WNT7A: variants seen among roughly 807,000 people sequenced by gnomAD.
The protein encoded by WNT7A is protein Wnt-7a.
Under a neutral mutation model 28.2 loss-of-function variants are expected in WNT7A, and 16 were observed. The ratio of observed to expected loss-of-function variants is 0.57; its 90% confidence interval spans 0.38 to 0.86. WNT7A has a LOEUF of 0.86. Ranked by LOEUF, WNT7A falls within the 40% of genes least tolerant of loss-of-function variation. WNT7A has a pLI of 0.00. For synonymous variants in WNT7A, 190 were observed against 195.9 expected (o/e 0.97, Z 0.25); for missense variants, 411 against 489.7 (o/e 0.84, Z 1.52).
At chr3:13,859,647 G>C (rs991793002) in intron 2 of WNT7A, among the ~76,000 whole-genome samples, 1 of 152,118 alleles carries the variant, frequency 6.6e-6, no homozygotes, top group Non-Finnish European at 1.5e-5. Flanking sequence ...TAATTGCTTT[G>C]AAGATAAGCA....
intron 3 of WNT7A, among the ~76,000 whole-genome samples, chr3:13,836,758 A>T (rs540448513): frequency 6.6e-6 from 1 of 152,334 alleles, no homozygotes; most frequent in East Asian, 1.9e-4. Flanking sequence ...CAGTTGGAGG[A>T]AGTGACCTGT....
chr3:13,857,623 G>A (rs773989647), intron 2 of WNT7A, among the ~76,000 whole-genome samples: 14 of 152,062 alleles, frequency 9.2e-5, no homozygotes, highest in Admixed American at 2.0e-4. Context: ...ACTCACCCCC[G>A]GTCCAGTGAT....
Position 13,818,351 on chromosome 3 carries a change from C to CAAAGAAAAAAA in WNT7A, c.*592_*593insTTTTTTTCTTT, listed in dbSNP as rs1694047137. 1 of 79,952 alleles carries CAAAGAAAAAAA rather than the reference C, an allele frequency of 1.3e-5. No homozygotes were observed. Among genetic ancestry groups the CAAAGAAAAAAA allele is most frequent in the African/African-American group, 4.9e-5 (1 of 20,618 alleles). The allele number at this position is 79,952 out of a possible 1,614,324, so 5.0% of individuals were successfully genotyped here. A position where few individuals can be genotyped will look rare whatever the true frequency, so the allele number is the denominator to read the frequency against. Reference sequence around the variant, plus strand: ...TTTCTGGATAAGTAGCAGCAAACAGCAAAAAAAAAAAAAAAAATGTGTGTG... The same window carrying CAAAGAAAAAAA: ...TTTCTGGATAAGTAGCAGCAAACAGCAAAGAAAAAAAAAAAAAAAAAAAAAAAATGTGTGTG... On this transcript the variant is annotated 3_prime_UTR_variant, in exon 4 of 4. Transcript: ENST00000285018.
chr3:13,875,335 C>T (rs996096412), intron 1 of WNT7A, among the ~76,000 whole-genome samples, 162 bp from the exon 2 acceptor site: 1 of 152,182 alleles, frequency 6.6e-6, no homozygotes, highest in African/African-American at 2.4e-5. Context: ...CGAATAGAAA[C>T]CCTATAATTT....
chr3:13,865,219 C>T (rs1323627741), intron 2 of WNT7A, among the ~76,000 whole-genome samples: 1 of 152,164 alleles, frequency 6.6e-6, no homozygotes, highest in East Asian at 1.9e-4. Flanking sequence ...CATTTCAGCA[C>T]CTTTAATATG....
chr3:13,862,483 GC>G lies in WNT7A; in HGVS notation c.299-7681del, dbSNP rs1194881852. 2.6e-5 allele frequency among the ~76,000 whole-genome samples: 4 copies of G among 152,334 alleles called. No homozygotes were observed. In the East Asian group the frequency reaches 7.7e-4, roughly 29 times the overall value. ...CAATGGGTCAGAGAGCAAGCAATCTGCAGTGACACAAGCTGAAATATATGAT... is the reference window on the plus strand; with the variant it reads ...CAATGGGTCAGAGAGCAAGCAATCTGAGTGACACAAGCTGAAATATATGAT... On this transcript the variant is annotated intron_variant, in intron 2 of 3. Coordinates refer to ENST00000285018, the MANE Select transcript of WNT7A (RefSeq NM_004625.4).
intron 3 of WNT7A, among the ~76,000 whole-genome samples, chr3:13,846,153 C>CA (rs1694533935): frequency 6.6e-6 from 1 of 152,242 alleles, no homozygotes; most frequent in South Asian, 2.1e-4. Flanking sequence ...CCACAGTGAC[C>CA]AGAGTAGGAG....
At chr3:13,847,338 G>A (rs749577264) in intron 3 of WNT7A, among the ~76,000 whole-genome samples, 11 of 152,166 alleles carry the variant, frequency 7.2e-5, no homozygotes, top group African/African-American at 1.2e-4. Context: ...TCAGCTCCCC[G>A]ACCCTGGCCA....
Position 13,819,382 on chromosome 3 carries a change from G to A in WNT7A, c.612C>T (p.Gly204=), listed in dbSNP as rs553027561. The A allele has an allele frequency of 2.9e-5, 46 of 1,613,552 alleles. No individual in the cohort carries two copies. Among genetic ancestry groups the A allele is most frequent in the Non-Finnish European group, 3.6e-5 (42 of 1,179,810 alleles). The part of the protein sequence containing the change: ...ENMKLECKCH[G]VSGSCTTKTC... ...TCTTGGTGGTGCACGAGCCTGACAC[G>A]CCGTGGCACTTACATTCCAGCTTCA... Residue 204 remains glycine (G), a synonymous_variant, in exon 4 of 4, where the codon GGC becomes GGT. Transcript: ENST00000285018.
chr3:13,825,693 G>A (rs149587493), intron 3 of WNT7A, among the ~76,000 whole-genome samples: 50 of 152,278 alleles, frequency 3.3e-4, no homozygotes, highest in African/African-American at 1.1e-3. Context: ...GTGGGGCCCT[G>A]CATCTGGGGA....
At chr3:13,854,434 T>C (rs1317770422) in intron 3 of WNT7A, 98 bp downstream of exon 3, 2 of 1,590,926 alleles carry the variant, frequency 1.3e-6, no homozygotes, top group African/African-American at 1.3e-5. Flanking sequence ...GGCAGAGCCC[T>C]GTGGCTCCTC....
At chr3:13,832,056 C>T (rs1023901337) in intron 3 of WNT7A, among the ~76,000 whole-genome samples, 2 of 152,006 alleles carry the variant, frequency 1.3e-5, no homozygotes, top group Admixed American at 1.3e-4. Context: ...TCCAGAGCTG[C>T]CACCACCTGC....
Position 13,850,726 on chromosome 3 carries a change from G to C in WNT7A, c.570+3806C>G, listed in dbSNP as rs548253011. Among the ~76,000 whole-genome samples the C allele has an allele frequency of 5.3e-5, 8 of 152,136 alleles. No homozygotes were observed. In the South Asian group the frequency reaches 1.0e-3, roughly 20 times the overall value. On this transcript the variant is annotated intron_variant, in intron 3 of 3. Transcript: ENST00000285018. ...AGCTCCCTGGTGCACTTCTCTCTCTGTACAGTAAGGACTCGAAAGCCTGGC... is the reference window on the plus strand; with the variant it reads ...AGCTCCCTGGTGCACTTCTCTCTCTCTACAGTAAGGACTCGAAAGCCTGGC...
At chr3:13,844,610 C>T (rs547755898) in intron 3 of WNT7A, among the ~76,000 whole-genome samples, 14 of 152,348 alleles carry the variant, frequency 9.2e-5, no homozygotes, top group African/African-American at 3.1e-4. Flanking sequence ...AGGAAAGCAC[C>T]TAGAACCCCA....
At position 13,853,195 on chromosome 3, in the gene WNT7A, G is replaced by C. The variant is rs73817650; in HGVS notation, c.570+1337C>G. On this transcript the variant is annotated intron_variant, in intron 3 of 3. Coordinates refer to ENST00000285018, the MANE Select transcript of WNT7A (RefSeq NM_004625.4). The stretch of plus-strand genomic sequence containing the variant: ...GTGTGCCACGCTCTGGAGTGCTGCT[G>C]TGTCTGAGACAGCCCAGGCCTCTGT... 2.6e-3 allele frequency among the ~76,000 whole-genome samples: 400 copies of C among 152,328 alleles called. 1 individual carries two copies. The highest frequency in any genetic ancestry group is 9.1e-3 in the African/African-American group (378 of 41,566).
chr3:13,878,182 G>A (rs910487560), intron 1 of WNT7A, among the ~76,000 whole-genome samples: 81 of 152,168 alleles, frequency 5.3e-4, no homozygotes, highest in African/African-American at 1.9e-3. Flanking sequence ...AGGCCGCGGC[G>A]CCGGCGGGAG....
intron 2 of WNT7A, among the ~76,000 whole-genome samples, chr3:13,858,574 C>G (rs75131697): frequency 5.3e-5 from 8 of 152,126 alleles, no homozygotes; most frequent in East Asian, 1.9e-4. Context: ...ATTTCACCCC[C>G]CCGAGCTCCA....
chr3:13,843,696 A>G (rs965628335), intron 3 of WNT7A, among the ~76,000 whole-genome samples: 4 of 151,972 alleles, frequency 2.6e-5, no homozygotes, highest in Non-Finnish European at 4.4e-5. Context: ...TGTTGAAAAA[A>G]AAAAAGGTCA....
rs182323593 is a variant in WNT7A, at chr3:13,828,226, C to T, written c.571-8803G>A. On this transcript the variant is annotated intron_variant, in intron 3 of 3. Coordinates refer to ENST00000285018, the MANE Select transcript of WNT7A (RefSeq NM_004625.4). Reference sequence around the variant, plus strand: ...TTGGTTATCTCCCACCAGATACGAACAGGAGGGAATGCAGGGGCCAGAGCT... The same window carrying T: ...TTGGTTATCTCCCACCAGATACGAATAGGAGGGAATGCAGGGGCCAGAGCT... 1.4e-4 allele frequency among the ~76,000 whole-genome samples: 21 copies of T among 152,302 alleles called. No individual in the cohort carries two copies. In the East Asian group the frequency reaches 1.5e-3, roughly 11 times the overall value.
Sources: allele counts gnomAD v4.1 joint callset (sites outside exome capture counted in the v4.1 genomes callset), GRCh38; gene constraint gnomAD v4.1.1; transcripts MANE v1.5; gene names NCBI Gene and HGNC (gene_info 2026-07-23, HGNC 2026-07-21).